The following SULF2 variants were observed in gnomAD, a reference collection of about 807,000 sequenced individuals.
The protein encoded by SULF2 is sulfatase 2, also known as extracellular sulfatase Sulf-2.
SULF2 carries 52 observed loss-of-function variants against 107.7 expected under a neutral mutation model. The ratio of observed to expected loss-of-function variants is 0.48; its 90% CI spans 0.39 to 0.61. SULF2 has a LOEUF of 0.61. Ranked by LOEUF, SULF2 falls within the 20% of genes least tolerant of loss-of-function variation. The pLI is 0.00. For missense variants in SULF2, 993 were observed against 1,177.3 expected, an observed-to-expected ratio of 0.84 and a Z score of 2.29; for synonymous variants, 460 against 464.3, an observed-to-expected ratio of 0.99 and a Z score of 0.12.
chr20:47,760,946 G>C (rs553509096), intron 1 of SULF2, among the ~76,000 whole-genome samples: 20 of 152,328 alleles, frequency 1.3e-4, no homozygotes, highest in African/African-American at 3.4e-4. Flanking sequence ...TAAGGATGTG[G>C]ACTTTGGAGT....
intron 3 of SULF2, among the ~76,000 whole-genome samples, chr20:47,720,548 CTT>C (rs11303096): frequency 0.016 from 2,258 of 143,294 alleles, 19 homozygotes; most frequent in Middle Eastern, 0.058. Flanking sequence ...CTATCATAAT[CTT>C]TTTTTTTTTT....
At chr20:47,725,685 T>C (rs1398751498) in intron 3 of SULF2, among the ~76,000 whole-genome samples, 1 of 151,940 alleles carries the variant, frequency 6.6e-6, no homozygotes, top group Non-Finnish European at 1.5e-5. Context: ...AAAAGTAGAG[T>C]GAACAGTCCA....
Position 47,678,415 on chromosome 20 carries a change from A to C in SULF2, c.1193+261T>G. 1 of 459,158 alleles carries C rather than the reference A, an allele frequency of 2.2e-6. No individual in the cohort carries two copies. 28.4% of individuals were successfully genotyped at this position (459,158 alleles called of 1,614,324 possible). Reference sequence around the variant, plus strand: ...ACCATCTCCTACCATCACTGCTGCTATCATTTCAAGCTTTGGGTAATTTTA... The same window carrying C: ...ACCATCTCCTACCATCACTGCTGCTCTCATTTCAAGCTTTGGGTAATTTTA... On this transcript the variant is annotated intron_variant, in intron 8 of 20. Transcript: ENST00000688720. This position sits in a 1 kb window ranked among gnomAD's most constrained non-coding sequence, Gnocchi z 4.5.
At chr20:47,681,726 C>T (rs116294023) in intron 7 of SULF2, among the ~76,000 whole-genome samples, 1,564 of 152,302 alleles carry the variant, frequency 0.01, 33 homozygotes, top group African/African-American at 0.034. Context: ...CTCACTGTGT[C>T]GCCCAGACGA....
intron 4 of SULF2, among the ~76,000 whole-genome samples, chr20:47,700,455 G>A: frequency 6.6e-6 from 1 of 152,034 alleles, no homozygotes; most frequent in East Asian, 1.9e-4. Flanking sequence ...ACGTGCAAGG[G>A]GCGCTTCTAA....
intron 1 of SULF2, among the ~76,000 whole-genome samples, chr20:47,761,448 TA>T (rs2090417341): frequency 6.6e-6 from 1 of 152,164 alleles, no homozygotes; most frequent in Admixed American, 6.5e-5. Flanking sequence ...CATTTTAAAA[TA>T]AAAACACAAA....
chr20:47,768,418 C>T (rs1291734975), intron 1 of SULF2, among the ~76,000 whole-genome samples: 2 of 152,228 alleles, frequency 1.3e-5, no homozygotes, highest in Non-Finnish European at 2.9e-5. Flanking sequence ...GTGAAATTCC[C>T]TTTTTTCAAT....
intron 18 of SULF2, among the ~76,000 whole-genome samples, 164 bp from the exon 19 acceptor site, chr20:47,659,894 A>AG (rs1012848024): frequency 6.6e-6 from 1 of 152,164 alleles, no homozygotes; most frequent in Non-Finnish European, 1.5e-5. Context: ...CTGAATTATG[A>AG]GGGGAACCTG....
chr20:47,731,187 C>CT (rs71183273), intron 3 of SULF2, among the ~76,000 whole-genome samples: 11,202 of 80,524 alleles, frequency 0.14, 1,266 homozygotes, highest in Non-Finnish European at 0.19. Context: ...TGTATCTTCT[C>CT]TTTTTTTTTT....
intron 2 of SULF2, among the ~76,000 whole-genome samples, chr20:47,756,556 T>A (rs997744252): frequency 1.3e-5 from 2 of 152,076 alleles, no homozygotes; most frequent in Admixed American, 1.3e-4. Context: ...GGACAGAGGC[T>A]GAGGGATCAC....
intron 10 of SULF2, among the ~76,000 whole-genome samples, chr20:47,672,817 C>T (rs1048450775): frequency 6.6e-5 from 10 of 152,184 alleles, no homozygotes; most frequent in Non-Finnish European, 1.0e-4. Context: ...GCCTACCCAT[C>T]GGTCCTCCTC....
intron 1 of SULF2, among the ~76,000 whole-genome samples, chr20:47,783,861 TGAG>T (rs910446630): frequency 1.0e-3 from 155 of 152,338 alleles, no homozygotes; most frequent in African/African-American, 3.5e-3. Context: ...GCTGTCTGGA[TGAG>T]TTTTCTCTTC....
chr20:47,676,755 C>A, intron 9 of SULF2, 132 bp from the exon 10 acceptor site: 1 of 1,070,866 alleles, frequency 9.3e-7, no homozygotes, highest in South Asian at 1.7e-5. Flanking sequence ...GCAGGGCCAC[C>A]TGCCCGGGTC....
chr20:47,717,883 G>C (rs1020266149), intron 3 of SULF2, among the ~76,000 whole-genome samples: 1 of 149,174 alleles, frequency 6.7e-6, no homozygotes, highest in Non-Finnish European at 1.5e-5. Flanking sequence ...CTGCGATCTC[G>C]GCTCACTGCA....
At chr20:47,736,637 A>T (rs2089736334) in intron 3 of SULF2, 66 bp downstream of exon 3, 1 of 1,594,752 alleles carries the variant, frequency 6.3e-7, no homozygotes, top group Non-Finnish European at 8.6e-7. Flanking sequence ...TGGTGTGCAG[A>T]CCACACCTAG....
At chr20:47,669,230 TCCCCTTCTCCTGTTCCTGGGTC>T (rs1356829962) in intron 11 of SULF2, among the ~76,000 whole-genome samples, 1 of 152,102 alleles carries the variant, frequency 6.6e-6, no homozygotes, top group African/African-American at 2.4e-5. Context: ...CGAGTCCTCG[TCCCCTTCTCCTGTTCCTGGGTC>T]CCCCTTCTGC....
intron 3 of SULF2, among the ~76,000 whole-genome samples, chr20:47,717,032 T>C (rs1313918390): frequency 6.6e-6 from 1 of 152,050 alleles, no homozygotes; most frequent in African/African-American, 2.4e-5. Context: ...AAAATGGGTA[T>C]GCAGATGGAA....
chr20:47,699,769 G>C (rs1019226823), intron 4 of SULF2, among the ~76,000 whole-genome samples: 3 of 152,156 alleles, frequency 2.0e-5, no homozygotes, highest in African/African-American at 7.2e-5. Flanking sequence ...AGATTTCATA[G>C]GTAAAAAATA....
chr20:47,710,313 C>T (rs1349301240), intron 3 of SULF2, among the ~76,000 whole-genome samples: 1 of 151,918 alleles, frequency 6.6e-6, no homozygotes, highest in African/African-American at 2.4e-5. Context: ...GCTGGGAATA[C>T]ACGCATGAGC....
Sources: allele counts gnomAD v4.1 joint callset (sites outside exome capture counted in the v4.1 genomes callset), GRCh38; gene constraint gnomAD v4.1.1; non-coding constraint Gnocchi (gnomAD v3.1); transcripts MANE v1.5; gene names NCBI Gene and HGNC (gene_info 2026-07-23, HGNC 2026-07-21).